The following TTLL11 variants were observed in gnomAD, a reference collection of about 807,000 sequenced individuals.
TTLL11 encodes the protein tubulin polyglutamylase TTLL11.
A neutral mutation model predicts 51.7 loss-of-function variants in TTLL11; 42 were observed. The observed-to-expected ratio is 0.81, with a 90% CI of 0.64 to 1.05. TTLL11 has a LOEUF of 1.05. Among genes scored for constraint, TTLL11 ranks in the 50% least tolerant of loss-of-function variants. The pLI is 0.00. For synonymous variants in TTLL11, 381 were observed against 383.5 expected, an observed-to-expected ratio of 0.99 and a Z score of 0.08; for missense variants, 799 against 940.4, an observed-to-expected ratio of 0.85 and a Z score of 1.97.
chr9:121,883,211 T>C (rs866938275), intron 6 of TTLL11, among the ~76,000 whole-genome samples: 11 of 152,160 alleles, frequency 7.2e-5, no homozygotes, highest in Non-Finnish European at 7.3e-5. Context: ...TTACCAATTG[T>C]GTGGCCTTAG....
chr9:121,847,207 C>CAAA (rs56213031), intron 8 of TTLL11, among the ~76,000 whole-genome samples: 46 of 113,664 alleles, frequency 4.0e-4, no homozygotes, highest in African/African-American at 1.2e-3. Context: ...GACTCCGTCT[C>CAAA]AAAAAAAAAA....
intron 6 of TTLL11, among the ~76,000 whole-genome samples, chr9:121,875,132 C>T (rs1838521771): frequency 6.6e-6 from 1 of 152,164 alleles, no homozygotes; most frequent in Admixed American, 6.5e-5. Context: ...GGCATTCACA[C>T]TGTTGTGTAA....
chr9:121,970,225 G>C (rs1257363457), intron 6 of TTLL11, among the ~76,000 whole-genome samples: 1 of 152,172 alleles, frequency 6.6e-6, no homozygotes, highest in Non-Finnish European at 1.5e-5. Flanking sequence ...GACTTGATAA[G>C]TTGTAAAATG....
intron 1 of TTLL11, among the ~76,000 whole-genome samples, chr9:122,067,299 C>T (rs573584534): frequency 7.2e-5 from 11 of 152,340 alleles, no homozygotes; most frequent in Admixed American, 5.2e-4. Flanking sequence ...TTCTCTACCA[C>T]TCAAAACAAA....
At chr9:121,976,428 G>A (rs370589522) in intron 4 of TTLL11, among the ~76,000 whole-genome samples, 48 of 152,270 alleles carry the variant, frequency 3.2e-4, no homozygotes, top group African/African-American at 1.1e-3. Flanking sequence ...AAGGACTTTC[G>A]ATTTTCCAGA....
intron 7 of TTLL11, among the ~76,000 whole-genome samples, chr9:121,867,925 A>G (rs866285026): frequency 6.6e-5 from 10 of 152,330 alleles, no homozygotes; most frequent in Middle Eastern, 3.4e-3. Flanking sequence ...GCTCAGGAAC[A>G]GTCGTTAGGT....
At chr9:122,078,759 G>A (rs1167815426) in intron 1 of TTLL11, among the ~76,000 whole-genome samples, 1 of 152,104 alleles carries the variant, frequency 6.6e-6, no homozygotes, top group Non-Finnish European at 1.5e-5. Context: ...GCTACACATT[G>A]AGTTGTTTCA....
chr9:122,044,836 G>A (rs186844136), intron 1 of TTLL11, among the ~76,000 whole-genome samples: 4 of 152,246 alleles, frequency 2.6e-5, no homozygotes, highest in South Asian at 2.1e-4. Context: ...CAGGCTGGGC[G>A]AGGTGGCACA....
At chr9:122,080,998 G>A (rs1845991634) in intron 1 of TTLL11, among the ~76,000 whole-genome samples, 1 of 152,166 alleles carries the variant, frequency 6.6e-6, no homozygotes, top group Admixed American at 6.5e-5. Context: ...ATGCTTCAAC[G>A]TGAAAGCAGT....
rs745808471 is a variant in TTLL11 at position 121,822,922 on chromosome 9, C to A, written c.1841-43G>T. ...GGATGAGGGGGTGCACACAGCTGCCCTACGCTGCCCTGGGAAGGCCCACCT... is the reference window on the plus strand; with the variant it reads ...GGATGAGGGGGTGCACACAGCTGCCATACGCTGCCCTGGGAAGGCCCACCT... On this transcript the variant is annotated intron_variant, in intron 8 of 8. Coordinates refer to ENST00000321582, the MANE Select transcript of TTLL11 (RefSeq NM_001139442.2). The surrounding 1 kb of genome is among the most constrained non-coding windows in gnomAD (Gnocchi z 5.8). The A allele has an allele frequency of 7.3e-6, 11 of 1,499,682 alleles. No individual in the cohort carries two copies. The South Asian group carries it at 1.3e-4, about 18-fold the overall frequency. 92.9% of individuals were successfully genotyped at this position (1,499,682 alleles called of 1,614,324 possible). A position where few individuals can be genotyped will look rare whatever the true frequency, so the allele number is the denominator to read the frequency against.
At chr9:121,980,481 C>T (rs1406017599) in intron 4 of TTLL11, among the ~76,000 whole-genome samples, 1 of 152,192 alleles carries the variant, frequency 6.6e-6, no homozygotes, top group African/African-American at 2.4e-5. Flanking sequence ...TCTCCACTAA[C>T]CTAGATCCAG....
At chr9:121,826,217 T>TATATATATATATACAC (rs1491163835) in intron 8 of TTLL11, among the ~76,000 whole-genome samples, 7 of 58,100 alleles carry the variant, frequency 1.2e-4, no homozygotes, top group Non-Finnish European at 1.8e-4. Context: ...TATATATATA[T>TATATATATATATACAC]GCACACATAT....
chr9:121,892,850 C>A (rs1564291119), intron 6 of TTLL11, among the ~76,000 whole-genome samples: 1 of 152,092 alleles, frequency 6.6e-6, no homozygotes, highest in East Asian at 1.9e-4. Context: ...GGGAAGGAGG[C>A]CGCTGTGGGA....
At chr9:122,030,048 A>G (rs1036105642) in intron 3 of TTLL11, among the ~76,000 whole-genome samples, 6 of 152,040 alleles carry the variant, frequency 3.9e-5, no homozygotes, top group Admixed American at 2.6e-4. Context: ...AGCACACTCT[A>G]TGGTGTTGGC....
At chr9:122,064,532 A>G (rs1365684832) in intron 1 of TTLL11, among the ~76,000 whole-genome samples, 2 of 152,198 alleles carry the variant, frequency 1.3e-5, no homozygotes, top group African/African-American at 4.8e-5. Flanking sequence ...ATGCCTGTTG[A>G]TCAATAGCAT....
At chr9:121,990,271 G>A (rs1843072563) in intron 3 of TTLL11, among the ~76,000 whole-genome samples, 1 of 152,202 alleles carries the variant, frequency 6.6e-6, no homozygotes, top group Non-Finnish European at 1.5e-5. Flanking sequence ...CAGATGGCCT[G>A]GGCTCAGACA....
At chr9:121,904,571 G>A (rs534916782) in intron 6 of TTLL11, among the ~76,000 whole-genome samples, 36 of 152,312 alleles carry the variant, frequency 2.4e-4, no homozygotes, top group African/African-American at 7.9e-4. Flanking sequence ...CCCAACAATC[G>A]CCTTTGCCCT....
At position 121,819,218 on chromosome 9, in the gene TTLL11, C is replaced by T. The variant is rs933177193; in HGVS notation, c.*3369G>A. 1.3e-5 allele frequency: 2 copies of T among 152,338 alleles called. No homozygotes were observed. Among genetic ancestry groups the T allele is most frequent in the African/African-American group, 2.4e-5 (1 of 41,434 alleles). 9.4% of individuals were successfully genotyped at this position (152,338 alleles called of 1,614,324 possible). Reference sequence around the variant, plus strand: ...AAGTATAAGCACCTATTGCAGGCTCCATTTTGGCCAGGCCGTGAGGACAAA... The same window carrying T: ...AAGTATAAGCACCTATTGCAGGCTCTATTTTGGCCAGGCCGTGAGGACAAA... On this transcript the variant is annotated 3_prime_UTR_variant, in exon 9 of 9. Transcript: ENST00000321582.
rs551533333 is a variant in TTLL11, at chr9:121,831,269, C to T, written c.1841-8390G>A. Among the ~76,000 whole-genome samples, 11 of 152,326 alleles carry T rather than the reference C, an allele frequency of 7.2e-5. No individual in the cohort carries two copies. The South Asian group carries it at 1.7e-3, about 23-fold the overall frequency. On this transcript the variant is annotated intron_variant, in intron 8 of 8. Transcript: ENST00000321582. The stretch of plus-strand genomic sequence containing the variant: ...TCACCCTGGGGATTCTGTCTGTTGG[C>T]GATGAGGCCCCAGAAACTGCATTTG...
Sources: allele counts gnomAD v4.1 joint callset (sites outside exome capture counted in the v4.1 genomes callset), GRCh38; gene constraint gnomAD v4.1.1; non-coding constraint Gnocchi (gnomAD v3.1); transcripts MANE v1.5; gene names NCBI Gene and HGNC (gene_info 2026-07-23, HGNC 2026-07-21).